The following GALNT13 variants were observed in gnomAD, a reference collection of about 807,000 sequenced individuals.
GALNT13 encodes UDP-GalNAc:polypeptide N-acetylgalactosaminyltransferase 13.
GALNT13 carries 28 observed loss-of-function variants against 64.2 expected under a neutral mutation model. The ratio of observed to expected loss-of-function variants is 0.44; its 90% CI spans 0.32 to 0.60. GALNT13 has a LOEUF of 0.60. Ranked by LOEUF, GALNT13 falls within the 20% of genes least tolerant of loss-of-function variation. The pLI, the probability that GALNT13 is intolerant of heterozygous loss-of-function variation, is 0.05. For missense variants in GALNT13, 577 were observed against 669.8 expected, an observed-to-expected ratio of 0.86 and a Z score of 1.53; for synonymous variants, 214 against 224.6, an observed-to-expected ratio of 0.95 and a Z score of 0.42.
intron 3 of GALNT13, among the ~76,000 whole-genome samples, chr2:154,108,809 G>A (rs1448903283): frequency 3.9e-5 from 6 of 151,938 alleles, no homozygotes; most frequent in African/African-American, 7.2e-5. Flanking sequence ...TCTGCATGTG[G>A]ATATTCAGCT....
At chr2:153,350,233 C>T in the GALNT13 span, among the ~76,000 whole-genome samples, 6 of 152,192 alleles carry the variant, frequency 3.9e-5, no homozygotes, top group South Asian at 2.1e-4. Flanking sequence ...TTAGAAGATA[C>T]GTAAAATCAG....
chr2:154,408,912 G>C, intron 10 of GALNT13, 72 bp from the exon 11 acceptor site: 1 of 896,644 alleles, frequency 1.1e-6, no homozygotes, highest in Non-Finnish European at 1.8e-6. Context: ...ATAGTAACAT[G>C]AGAAGGATTT....
chr2:153,748,802 T>C, the GALNT13 span, among the ~76,000 whole-genome samples: 1 of 152,062 alleles, frequency 6.6e-6, no homozygotes, highest in Non-Finnish European at 1.5e-5. Context: ...CCATTTATGC[T>C]TTGGTTGCCT....
At chr2:153,937,156 A>G (rs1275788231) in intron 2 of GALNT13, among the ~76,000 whole-genome samples, 1 of 152,224 alleles carries the variant, frequency 6.6e-6, no homozygotes, top group East Asian at 1.9e-4. Flanking sequence ...CAATGAAAAC[A>G]TATGTCTACA....
chr2:154,278,617 T>A (rs1453002761), intron 8 of GALNT13, among the ~76,000 whole-genome samples: 4 of 152,098 alleles, frequency 2.6e-5, no homozygotes, highest in Non-Finnish European at 5.9e-5. Flanking sequence ...AAACTGTCAG[T>A]GAAGAACAAA....
At chr2:153,746,151 T>C in the GALNT13 span, among the ~76,000 whole-genome samples, 1 of 152,202 alleles carries the variant, frequency 6.6e-6, no homozygotes, top group Non-Finnish European at 1.5e-5. Context: ...TATACATGCA[T>C]AGCAGTACAA....
intron 1 of GALNT13, among the ~76,000 whole-genome samples, chr2:153,892,473 C>T (rs886242024): frequency 6.6e-6 from 1 of 151,970 alleles, no homozygotes; most frequent in African/African-American, 2.4e-5. Flanking sequence ...GTTTATAGCA[C>T]ACTTCTAGTT....
chr2:153,088,383 A>T, the GALNT13 span, among the ~76,000 whole-genome samples: 1 of 152,120 alleles, frequency 6.6e-6, no homozygotes, highest in Non-Finnish European at 1.5e-5. Context: ...GTGACATATT[A>T]TATGGCCTAT....
chr2:153,852,923 G>A, the GALNT13 span, among the ~76,000 whole-genome samples: 1 of 152,108 alleles, frequency 6.6e-6, no homozygotes, highest in Non-Finnish European at 1.5e-5. Context: ...TTGACTCACA[G>A]GATCACCAGG....
the GALNT13 span, among the ~76,000 whole-genome samples, chr2:153,092,043 T>C: frequency 6.6e-6 from 1 of 152,230 alleles, no homozygotes; most frequent in Admixed American, 6.5e-5. Context: ...AGAGGTCTAG[T>C]TTCATTCTTC....
chr2:154,209,903 C>A (rs747577501), intron 4 of GALNT13, among the ~76,000 whole-genome samples: 4 of 152,070 alleles, frequency 2.6e-5, no homozygotes, highest in Non-Finnish European at 4.4e-5. Flanking sequence ...CTAAAATATA[C>A]CTTATTTAAC....
At chr2:154,146,826 AC>A (rs1030441836) in intron 4 of GALNT13, among the ~76,000 whole-genome samples, 1 of 151,826 alleles carries the variant, frequency 6.6e-6, no homozygotes, top group Non-Finnish European at 1.5e-5. Flanking sequence ...GAAGCCCCAA[AC>A]CCTTTTCCTT....
At chr2:154,129,649 A>G (rs552335896) in intron 3 of GALNT13, among the ~76,000 whole-genome samples, 62 of 152,162 alleles carry the variant, frequency 4.1e-4, no homozygotes, top group African/African-American at 1.4e-3. Context: ...TATATATAAT[A>G]CGTAAAGATA....
At chr2:153,436,247 T>C in the GALNT13 span, among the ~76,000 whole-genome samples, 2 of 152,212 alleles carry the variant, frequency 1.3e-5, no homozygotes, top group Non-Finnish European at 2.9e-5. Context: ...TTATTGAGGA[T>C]TTTTGCATCG....
the GALNT13 span, among the ~76,000 whole-genome samples, chr2:153,821,033 C>G: frequency 6.6e-6 from 1 of 151,902 alleles, no homozygotes; most frequent in South Asian, 2.1e-4. Flanking sequence ...ATCATGCAAA[C>G]AGAAGACTTA....
At chr2:153,646,350 T>C in the GALNT13 span, among the ~76,000 whole-genome samples, 2 of 151,824 alleles carry the variant, frequency 1.3e-5, no homozygotes, top group East Asian at 1.9e-4. Context: ...TTTATTGACA[T>C]GGTTATTTAC....
intron 9 of GALNT13, among the ~76,000 whole-genome samples, chr2:154,323,705 T>C (rs547423784): frequency 6.6e-6 from 1 of 152,094 alleles, no homozygotes; most frequent in Non-Finnish European, 1.5e-5. Context: ...ACCCTTCCAG[T>C]GATAGTTACC....
chr2:153,441,908 C>G, the GALNT13 span, among the ~76,000 whole-genome samples: 262 of 152,298 alleles, frequency 1.7e-3, no homozygotes, highest in African/African-American at 6.0e-3. Flanking sequence ...GACAATTTGA[C>G]TTCCTCTCTT....
chr2:153,729,013 A>T, the GALNT13 span, among the ~76,000 whole-genome samples: 1 of 152,188 alleles, frequency 6.6e-6, no homozygotes, highest in Non-Finnish European at 1.5e-5. Flanking sequence ...ATCAACCAAA[A>T]AAAGCCCAGG....
Sources: allele counts gnomAD v4.1 joint callset (sites outside exome capture counted in the v4.1 genomes callset), GRCh38; gene constraint gnomAD v4.1.1; transcripts MANE v1.5; gene names NCBI Gene and HGNC (gene_info 2026-07-23, HGNC 2026-07-21).